Variants in C14orf39 observed in about 807,000 individuals in gnomAD.
The protein encoded by C14orf39 is protein SIX6OS1.
A neutral mutation model predicts 85.6 loss-of-function variants in C14orf39; 66 were observed. That is an observed-to-expected ratio of 0.77 (90% confidence interval 0.63 to 0.95). The LOEUF is 0.95. C14orf39 is among the 40% of genes least tolerant of loss of function. The pLI, the probability that C14orf39 is intolerant of heterozygous loss-of-function variation, is 0.00. For missense variants in C14orf39, 735 were observed against 663.9 expected (o/e 1.11, Z -1.18); for synonymous variants, 242 against 214.0 (o/e 1.13, Z -1.14).
chr14:60,503,183 G>T (rs529533679), intron 1 of C14orf39, among the ~76,000 whole-genome samples: 2 of 152,148 alleles, frequency 1.3e-5, no homozygotes, highest in East Asian at 1.9e-4. Context: ...CTCAGAGAAG[G>T]GTCTTCAGTA....
chr14:60,478,181 A>AAAAAAAAAAAAC (rs1892482071), intron 5 of C14orf39, 119 bp downstream of exon 5: 1 of 200,854 alleles, frequency 5.0e-6, no homozygotes, highest in South Asian at 1.3e-4. Context: ...TCCATCTCAA[A>AAAAAAAAAAAAC]AAAAAAAAAA....
intron 11 of C14orf39, among the ~76,000 whole-genome samples, chr14:60,463,234 C>G (rs759072865): frequency 6.6e-6 from 1 of 152,012 alleles, no homozygotes; most frequent in Non-Finnish European, 1.5e-5. Context: ...TTTGGCTTTC[C>G]TTTTCTATAA....
upstream of C14orf39, among the ~76,000 whole-genome samples, chr14:60,490,882 C>A (rs1209993590): frequency 6.6e-6 from 1 of 152,192 alleles, no homozygotes; most frequent in African/African-American, 2.4e-5. Context: ...AGATAGGATT[C>A]TTTCTAGGGC....
intron 1 of C14orf39, among the ~76,000 whole-genome samples, chr14:60,514,150 T>C (rs1893330270): frequency 6.6e-6 from 1 of 152,210 alleles, no homozygotes. Context: ...TATTTTAATC[T>C]TTCCAATCTT....
intron 1 of C14orf39, among the ~76,000 whole-genome samples, chr14:60,507,921 A>G (rs1893227196): frequency 6.6e-6 from 1 of 152,122 alleles, no homozygotes; most frequent in Non-Finnish European, 1.5e-5. Context: ...CCCCTACCAC[A>G]GGCCCAGATG....
intron 9 of C14orf39, 84 bp from the exon 10 acceptor site, chr14:60,467,128 T>C (rs116865165): frequency 0.013 from 8,220 of 630,712 alleles, 75 homozygotes; most frequent in South Asian, 0.034. Context: ...TTAGATACTA[T>C]ATAATAAAAC....
intron 2 of C14orf39, chr14:60,496,096 G>T: frequency 5.6e-6 from 4 of 708,530 alleles, no homozygotes; most frequent in South Asian, 2.8e-5. Context: ...CCAGTGTTCT[G>T]ACTGAGCAAA....
At chr14:60,450,558 C>T (rs1211580867) in intron 16 of C14orf39, among the ~76,000 whole-genome samples, 1 of 152,216 alleles carries the variant, frequency 6.6e-6, no homozygotes, top group African/African-American at 2.4e-5. Flanking sequence ...TCCTAGACAG[C>T]ATCTCTAGAC....
chr14:60,459,569 C>G (rs1452926694), intron 13 of C14orf39, among the ~76,000 whole-genome samples: 1 of 151,672 alleles, frequency 6.6e-6, no homozygotes, highest in East Asian at 1.9e-4. Context: ...TAGGTATGGT[C>G]TCAATATGTA....
chr14:60,476,485 G>C (rs960295095), intron 5 of C14orf39, among the ~76,000 whole-genome samples: 1 of 152,120 alleles, frequency 6.6e-6, no homozygotes, highest in African/African-American at 2.4e-5. Flanking sequence ...ACCAACAAAT[G>C]AGTTATTTTC....
At chr14:60,459,541 T>A (rs1453294206) in intron 13 of C14orf39, among the ~76,000 whole-genome samples, 1 of 151,694 alleles carries the variant, frequency 6.6e-6, no homozygotes. Context: ...GACAAAATGA[T>A]TAGCTCCAAT....
At position 60,471,750 on chromosome 14, in the gene C14orf39, TAAAAG is replaced by T. The variant is rs763938229; in HGVS notation, c.324-16_324-12del. On this transcript the variant is annotated splice_polypyrimidine_tract_variant and intron_variant, in intron 5 of 17. Coordinates refer to ENST00000321731, the MANE Select transcript of C14orf39 (RefSeq NM_174978.3). ...TCATGATACATTTCTCTGTTAAAAT[TAAAAG>T]AAATGATGTTTATATAACAACAACA... The T allele has an allele frequency of 4.2e-5, 61 of 1,435,824 alleles. No individual in the cohort carries two copies. The highest frequency in any genetic ancestry group is 5.0e-5 in the Non-Finnish European group (53 of 1,052,222). 88.9% of individuals were successfully genotyped at this position (1,435,824 alleles called of 1,614,324 possible).
Position 60,472,853 on chromosome 14 carries a change from C to T in C14orf39, c.324-1114G>A, listed in dbSNP as rs551916563. ...AAGTCTTTGCTATTGTGAATAGTGCCGCAATAAACATACGTGTGCATGTGT... is the reference window on the plus strand; with the variant it reads ...AAGTCTTTGCTATTGTGAATAGTGCTGCAATAAACATACGTGTGCATGTGT... On this transcript the variant is annotated intron_variant, in intron 5 of 17. Coordinates refer to ENST00000321731, the MANE Select transcript of C14orf39 (RefSeq NM_174978.3). 3.5e-3 allele frequency among the ~76,000 whole-genome samples: 529 copies of T among 152,104 alleles called. 3 individuals carry two copies. The highest frequency in any genetic ancestry group is 0.012 in the African/African-American group (486 of 41,480).
At position 60,481,698 on chromosome 14, in the gene C14orf39, TCTGA is replaced by T. The variant is rs533230540; in HGVS notation, c.233+1989_233+1992del. Among the ~76,000 whole-genome samples the T allele has an allele frequency of 1.8e-4, 27 of 152,320 alleles. 1 individual carries two copies. In the South Asian group the frequency reaches 5.4e-3, roughly 30 times the overall value. On this transcript the variant is annotated intron_variant, in intron 4 of 17. Transcript: ENST00000321731. The stretch of plus-strand genomic sequence containing the variant: ...TAATTATTGCTTTAATTTAGATATT[TCTGA>T]CTATTAGCAAGATTGAGCATTTCTG...
At chr14:60,450,090 A>G (rs1290379151) in intron 16 of C14orf39, among the ~76,000 whole-genome samples, 1 of 152,208 alleles carries the variant, frequency 6.6e-6, no homozygotes, top group Non-Finnish European at 1.5e-5. Context: ...GTGACCCAGC[A>G]CATTCCCAGC....
intron 1 of C14orf39, among the ~76,000 whole-genome samples, chr14:60,502,637 A>C (rs141493968): frequency 1.8e-4 from 27 of 152,342 alleles, no homozygotes; most frequent in African/African-American, 6.5e-4. Flanking sequence ...GAGAACAAAA[A>C]TCTGCTGTTA....
At chr14:60,444,512 A>G (rs1890671581) in intron 16 of C14orf39, among the ~76,000 whole-genome samples, 1 of 152,220 alleles carries the variant, frequency 6.6e-6, no homozygotes, top group South Asian at 2.1e-4. Context: ...AAAGAGTAAA[A>G]AGAAACAAAC....
rs1227460686 is a variant in C14orf39, at chr14:60,465,987, C to T, written c.964G>A (p.Asp322Asn). 1 of 1,550,988 alleles carries T rather than the reference C, an allele frequency of 6.4e-7. No individual in the cohort carries two copies. The highest frequency in any genetic ancestry group is 1.4e-5 in the African/African-American group (1 of 71,774). Residue 322 changes from aspartate to asparagine, a missense_variant, in exon 11 of 18, where the codon GAT becomes AAT. Physicochemically the swap from Asp to Asn is conservative, Grantham distance 23 (BLOSUM62 1). Coordinates refer to ENST00000321731, the MANE Select transcript of C14orf39 (RefSeq NM_174978.3). ...ANIDFRQKEN[D>N]TQIFNDSAVD... ...AAAAGTGAGACACCTACCTGTGTAT[C>T]ATTTTCTTTTTGTCTAAAGTCAATA...
chr14:60,495,099 G>T, intron 2 of C14orf39: 3 of 243,136 alleles, frequency 1.2e-5, no homozygotes, highest in Admixed American at 4.2e-5. Flanking sequence ...TCTTCAAGTT[G>T]CCTTTGGTAG....
Sources: allele counts gnomAD v4.1 joint callset (sites outside exome capture counted in the v4.1 genomes callset), GRCh38; gene constraint gnomAD v4.1.1; transcripts MANE v1.5; gene names NCBI Gene and HGNC (gene_info 2026-07-23, HGNC 2026-07-21).